The following FZR1 variants were observed in gnomAD, a reference collection of about 807,000 sequenced individuals.
FZR1 encodes the protein fizzy-related protein homolog.
FZR1 carries 11 observed loss-of-function variants against 63.6 expected under a neutral mutation model. The observed-to-expected ratio is 0.17, with a 90% CI of 0.11 to 0.29. The LOEUF is 0.29. FZR1 is among the 10% of genes least tolerant of loss of function. FZR1 has a pLI of 1.00. For missense variants in FZR1, 440 were observed against 687.5 expected (o/e 0.64, Z 4.03); for synonymous variants, 328 against 297.9 (o/e 1.10, Z -1.04).
At chr19:3,519,938 G>A (rs557666043) in intron 1 of FZR1, among the ~76,000 whole-genome samples, 2 of 149,888 alleles carry the variant, frequency 1.3e-5, no homozygotes, top group Non-Finnish European at 3.0e-5. Context: ...TTCATCTGCA[G>A]ATCAGTCCCG....
chr19:3,526,125 T>C lies in FZR1; in HGVS notation c.201T>C (p.Asn67=), dbSNP rs1287632726. 6.2e-7 allele frequency: 1 copy of C among 1,612,746 alleles called. No homozygotes were observed. Among genetic ancestry groups the C allele is most frequent in the South Asian group, 1.1e-5 (1 of 91,072 alleles). ...CTCTGCTCTCCTGCCTGCAGGAGAA[T>C]GAGAAGTCTCCCAGTCAGAACCGGA... ...WSVNFHRINE[N]EKSPSQNRKA... The change falls in exon 4 of 14, where the codon AAT becomes AAC. Residue 67 remains asparagine, a synonymous_variant. Transcript: ENST00000441788. This position sits in a 1 kb window ranked among gnomAD's most constrained non-coding sequence, Gnocchi z 5.4.
rs745412748 is a variant in FZR1, at chr19:3,533,280, C to T, written c.1243-14C>T. ...TTGCCCCTCACCGACCGCAGCGCCC[C>T]CTCCGCCCTCCAGGTGAGCACGCAC... On this transcript the variant is annotated splice_polypyrimidine_tract_variant and intron_variant, in intron 11 of 13. Transcript: ENST00000441788. This position sits in a 1 kb window ranked among gnomAD's most constrained non-coding sequence, Gnocchi z 4.9. 1.9e-6 allele frequency: 3 copies of T among 1,554,878 alleles called. No homozygotes were observed. The highest frequency in any genetic ancestry group is 2.2e-5 in the East Asian group (1 of 44,622).
chr19:3,510,601 G>A (rs546570919), intron 1 of FZR1, among the ~76,000 whole-genome samples: 6 of 152,340 alleles, frequency 3.9e-5, no homozygotes, highest in Admixed American at 2.0e-4. Context: ...GTGGAAGGAT[G>A]ATGGGAGCAG....
intron 1 of FZR1, among the ~76,000 whole-genome samples, chr19:3,511,584 C>CCCCA (rs1460621056): frequency 6.6e-6 from 1 of 152,226 alleles, no homozygotes; most frequent in African/African-American, 2.4e-5. Flanking sequence ...GCTGCACACC[C>CCCCA]AGTGGGGGCA....
At chr19:3,534,622 G>A (rs1054551553) in intron 13 of FZR1, 109 bp downstream of exon 13, 17 of 921,082 alleles carry the variant, frequency 1.8e-5, no homozygotes, top group Admixed American at 6.1e-5. Flanking sequence ...CCCCACTTCC[G>A]AGCTTCCCTC....
In FZR1 at chr19:3,531,697, C is replaced by T; in HGVS notation, c.721-17C>T. 1 of 1,528,852 alleles carries T rather than the reference C, an allele frequency of 6.5e-7. No individual in the cohort carries two copies. Among genetic ancestry groups the T allele is most frequent in the African/African-American group, 1.4e-5 (1 of 72,736 alleles). The allele number at this position is 1,528,852 out of a possible 1,614,324, so 94.7% of individuals were successfully genotyped here. On this transcript the variant is annotated splice_polypyrimidine_tract_variant and intron_variant, in intron 8 of 13. Transcript: ENST00000441788. Reference sequence around the variant, plus strand: ...CCAGACCTGACACCGGTGCTCTGCCCATGCCTTCCATCCTAGGGGAACCTG... The same window carrying T: ...CCAGACCTGACACCGGTGCTCTGCCTATGCCTTCCATCCTAGGGGAACCTG...
intron 1 of FZR1, among the ~76,000 whole-genome samples, chr19:3,508,489 G>C (rs2083002194): frequency 6.6e-6 from 1 of 152,322 alleles, no homozygotes; most frequent in East Asian, 1.9e-4. Flanking sequence ...GCGCCACCGC[G>C]CTCGGCCTTA....
chr19:3,527,146 C>T, intron 6 of FZR1, 84 bp downstream of exon 6: 2 of 1,111,682 alleles, frequency 1.8e-6, no homozygotes, highest in South Asian at 1.2e-5. Flanking sequence ...CCTCCGCAGC[C>T]CTGTCCCTGC....
chr19:3,531,647 C>A, intron 8 of FZR1, 67 bp from the exon 9 acceptor site: 8 of 1,160,540 alleles, frequency 6.9e-6, no homozygotes, highest in Admixed American at 2.5e-5. Context: ...GCGCGACCAA[C>A]GCCAGGACGG....
chr19:3,518,772 G>A lies in FZR1; in HGVS notation c.-34-4184G>A, dbSNP rs182113344. On this transcript the variant is annotated intron_variant, in intron 1 of 13. Transcript: ENST00000441788. ...CTAGCTACTCAGAAGGCTGAGGTAG[G>A]AAGATAGCTGGAGCCCAGGAGGTGG... 2.6e-5 allele frequency among the ~76,000 whole-genome samples: 4 copies of A among 152,340 alleles called. No homozygotes were observed. In the East Asian group the frequency reaches 5.8e-4, roughly 22 times the overall value.
intron 1 of FZR1, among the ~76,000 whole-genome samples, chr19:3,520,029 C>T (rs563546386): frequency 1.3e-5 from 2 of 152,308 alleles, no homozygotes; most frequent in Non-Finnish European, 2.9e-5. Context: ...TCCCGGGGGG[C>T]CCCACACCCA....
chr19:3,526,959 G>A lies in FZR1; in HGVS notation c.388-21G>A. The A allele has an allele frequency of 6.3e-7, 1 of 1,587,866 alleles. No individual in the cohort carries two copies. The stretch of plus-strand genomic sequence containing the variant: ...CTGCGGCCTGGGCGTGCGCTCAGCT[G>A]GCATGTCCCCCGCTCCACAGTATTC... On this transcript the variant is annotated intron_variant, in intron 5 of 13. Transcript: ENST00000441788. This position sits in a 1 kb window ranked among gnomAD's most constrained non-coding sequence, Gnocchi z 5.4.
chr19:3,523,136 TC>T, intron 2 of FZR1, 78 bp downstream of exon 2: 1 of 894,242 alleles, frequency 1.1e-6, no homozygotes, highest in Non-Finnish European at 1.9e-6. Context: ...GCCTCAGGTG[TC>T]CCCACTGTCA....
intron 10 of FZR1, 70 bp from the exon 11 acceptor site, chr19:3,532,347 C>G: frequency 7.8e-7 from 1 of 1,277,424 alleles, no homozygotes; most frequent in Non-Finnish European, 1.1e-6. Flanking sequence ...CAGGTCGTCA[C>G]ACCTGTGAGG....
At chr19:3,529,651 A>AGTGGTTGAGG (rs2083210787) in intron 7 of FZR1, among the ~76,000 whole-genome samples, 1 of 141,922 alleles carries the variant, frequency 7.0e-6, no homozygotes, top group Non-Finnish European at 1.5e-5. Context: ...AGCAGATGGG[A>AGTGGTTGAGG]GAGCGGATGG....
At chr19:3,522,571 G>A (rs544188593) in intron 1 of FZR1, among the ~76,000 whole-genome samples, 2 of 152,304 alleles carry the variant, frequency 1.3e-5, no homozygotes, top group East Asian at 1.9e-4. Flanking sequence ...GTTGAACCCC[G>A]TTGCAGACGC....
In FZR1 at chr19:3,533,524, A is replaced by G. The variant is rs751819883; in HGVS notation, c.1347+126A>G. 1.6e-6 allele frequency: 1 copy of G among 641,008 alleles called. No individual in the cohort carries two copies. The highest frequency in any genetic ancestry group is 2.8e-6 in the Non-Finnish European group (1 of 355,292). The allele number at this position is 641,008 out of a possible 1,614,324, so 39.7% of individuals were successfully genotyped here. The stretch of plus-strand genomic sequence containing the variant: ...GCAGATCTAAAACCCCGTGGGACCC[A>G]GCAGCAGGGGCCGGCAGGGCATCTG... On this transcript the variant is annotated intron_variant, in intron 12 of 13. Coordinates refer to ENST00000441788, the MANE Select transcript of FZR1 (RefSeq NM_016263.4). This position sits in a 1 kb window ranked among gnomAD's most constrained non-coding sequence, Gnocchi z 4.9.
At position 3,526,830 on chromosome 19, in the gene FZR1, G is replaced by A. The variant is rs12971546; in HGVS notation, c.388-150G>A. ...GTGGGGGGTCCGCAGTCCCCGCCAG[G>A]AAGGCGCCTGCCTTTTTACAGCTGC... On this transcript the variant is annotated intron_variant, in intron 5 of 13. Transcript: ENST00000441788. This position sits in a 1 kb window ranked among gnomAD's most constrained non-coding sequence, Gnocchi z 5.4. 6.3e-6 allele frequency: 4 copies of A among 630,026 alleles called. No homozygotes were observed. Among genetic ancestry groups the A allele is most frequent in the South Asian group, 1.9e-5 (1 of 53,686 alleles). The allele number at this position is 630,026 out of a possible 1,614,324, so 39.0% of individuals were successfully genotyped here. A position where few individuals can be genotyped will look rare whatever the true frequency, so the allele number is the denominator to read the frequency against.
At chr19:3,528,933 G>GGA (rs1258609947) in intron 7 of FZR1, among the ~76,000 whole-genome samples, 2 of 143,968 alleles carry the variant, frequency 1.4e-5, no homozygotes, top group African/African-American at 5.1e-5. Flanking sequence ...AGAGTGTATG[G>GGA]GAGTGGATGG....
Sources: allele counts gnomAD v4.1 joint callset (sites outside exome capture counted in the v4.1 genomes callset), GRCh38; gene constraint gnomAD v4.1.1; non-coding constraint Gnocchi (gnomAD v3.1); transcripts MANE v1.5; gene names NCBI Gene and HGNC (gene_info 2026-07-23, HGNC 2026-07-21).